Variants in SYT1 observed in about 807,000 individuals in gnomAD.
The protein encoded by SYT1 is synaptotagmin-1.
In SYT1, 8 loss-of-function variants were observed where a neutral mutation model predicts 44.8. That is an observed-to-expected ratio of 0.18 (90% CI 0.10 to 0.32). The LOEUF (loss-of-function observed/expected upper bound fraction) is 0.32. Ranked by LOEUF, SYT1 falls within the 10% of genes least tolerant of loss-of-function variation. The probability of loss-of-function intolerance (pLI) is 1.00; values close to 1 mark genes in which losing one functional copy is unlikely to be tolerated. For synonymous variants in SYT1, 154 were observed against 188.8 expected (o/e 0.82, Z 1.51); for missense variants, 286 against 509.3 (o/e 0.56, Z 4.22).
intron 2 of SYT1, among the ~76,000 whole-genome samples, chr12:78,990,470 T>C (rs1259390724): frequency 6.6e-6 from 1 of 152,196 alleles, no homozygotes; most frequent in African/African-American, 2.4e-5. Context: ...TTCCAGACAT[T>C]TACTTTGTTC....
chr12:79,420,733 T>C lies in SYT1; in HGVS notation c.929-23340T>C, dbSNP rs1013083701. Among the ~76,000 whole-genome samples, 3 of 152,058 alleles carry C rather than the reference T, an allele frequency of 2.0e-5. No individual in the cohort carries two copies. The South Asian group carries it at 6.2e-4, about 32-fold the overall frequency. ...GGTTTGTAATCTAAATAGAAGGGCA[T>C]TGCACACTATCAAAAACTATGCTTA... On this transcript the variant is annotated intron_variant, in intron 9 of 10. Transcript: ENST00000261205.
intron 8 of SYT1, among the ~76,000 whole-genome samples, chr12:79,304,389 T>C (rs191664471): frequency 9.8e-5 from 15 of 152,356 alleles, no homozygotes; most frequent in Admixed American, 8.5e-4. Context: ...ATGCTGAAGA[T>C]AGTTTAGTGC....
At chr12:79,237,980 A>C (rs1269701879) in intron 4 of SYT1, among the ~76,000 whole-genome samples, 5 of 152,234 alleles carry the variant, frequency 3.3e-5, no homozygotes, top group Admixed American at 1.3e-4. Context: ...TGGGAATGAC[A>C]GAAAAGGAGT....
chr12:78,895,075 T>C (rs905422047), intron 1 of SYT1, among the ~76,000 whole-genome samples: 1 of 151,144 alleles, frequency 6.6e-6, no homozygotes, highest in African/African-American at 2.4e-5. Flanking sequence ...AATTAAAAAC[T>C]AAAAAAAATT....
chr12:79,376,638 A>T (rs1340225795), intron 9 of SYT1, among the ~76,000 whole-genome samples: 2 of 152,118 alleles, frequency 1.3e-5, no homozygotes, highest in Middle Eastern at 3.2e-3. Context: ...GCCTCATTTT[A>T]CCCAGCTCCT....
chr12:79,056,215 T>A (rs777690113), intron 3 of SYT1, among the ~76,000 whole-genome samples: 1 of 151,848 alleles, frequency 6.6e-6, no homozygotes, highest in Admixed American at 6.6e-5. Flanking sequence ...TATATAGAAG[T>A]CTAGATGGAA....
chr12:78,990,894 G>A (rs770598596), intron 2 of SYT1, among the ~76,000 whole-genome samples: 16 of 152,136 alleles, frequency 1.1e-4, no homozygotes, highest in African/African-American at 3.1e-4. Flanking sequence ...AGAGAAATAC[G>A]AAAGGCAAGG....
rs181647794 is a variant in SYT1 at position 78,923,282 on chromosome 12, T to C, written c.-216-54517T>C. 2.1e-3 allele frequency among the ~76,000 whole-genome samples: 323 copies of C among 152,126 alleles called. 2 individuals carry two copies. Among genetic ancestry groups the C allele is most frequent in the African/African-American group, 7.2e-3 (298 of 41,556 alleles). On this transcript the variant is annotated intron_variant, in intron 1 of 10. Transcript: ENST00000261205. ...AATTTAAATAAGCACACATGGCTGT[T>C]GCACATGCCAGCACTTATTGGGCAA...
At chr12:79,411,375 A>T (rs1435787328) in intron 9 of SYT1, among the ~76,000 whole-genome samples, 1 of 152,152 alleles carries the variant, frequency 6.6e-6, no homozygotes, top group Non-Finnish European at 1.5e-5. Flanking sequence ...AAGCTGGGAA[A>T]TGTAGTCTTT....
chr12:79,195,253 G>A (rs1421708230), intron 3 of SYT1, among the ~76,000 whole-genome samples: 1 of 152,054 alleles, frequency 6.6e-6, no homozygotes, highest in African/African-American at 2.4e-5. Context: ...AAAAATGTTT[G>A]CTATCATTCT....
chr12:79,150,655 T>C (rs1414093952), intron 3 of SYT1, among the ~76,000 whole-genome samples: 1 of 152,146 alleles, frequency 6.6e-6, no homozygotes, highest in Non-Finnish European at 1.5e-5. Flanking sequence ...AACAAGATGA[T>C]AGTCATGCCA....
intron 2 of SYT1, among the ~76,000 whole-genome samples, chr12:79,026,774 G>T (rs1872569185): frequency 6.9e-6 from 1 of 145,806 alleles, no homozygotes; most frequent in Admixed American, 7.0e-5. Context: ...TGTGAATAAT[G>T]CTGCAAGAAA....
At chr12:79,424,916 C>G (rs1869345768) in intron 9 of SYT1, among the ~76,000 whole-genome samples, 1 of 139,654 alleles carries the variant, frequency 7.2e-6, no homozygotes, top group Admixed American at 7.0e-5. Context: ...CAGCTGCTGC[C>G]CTTTTTGGTT....
intron 4 of SYT1, among the ~76,000 whole-genome samples, chr12:79,273,487 G>A (rs549481688): frequency 6.6e-6 from 1 of 152,220 alleles, no homozygotes; most frequent in South Asian, 2.1e-4. Context: ...TTTCAAAGGA[G>A]CAGTAGGCAG....
rs1259057616 is a variant in SYT1, at chr12:79,151,540, A to AATAATAAAAAC, written c.-17-65953_-17-65952insCATAATAAAAA. Reference sequence around the variant, plus strand: ...GCCATTAATGGTTTTTAATCAGGAGAATAATAAAAAACATCACCCTAATGA... The same window carrying AATAATAAAAAC: ...GCCATTAATGGTTTTTAATCAGGAGAATAATAAAAACATAATAAAAAACATCACCCTAATGA... On this transcript the variant is annotated intron_variant, in intron 3 of 10. Transcript: ENST00000261205. Among the ~76,000 whole-genome samples the AATAATAAAAAC allele has an allele frequency of 2.0e-5, 3 of 152,064 alleles. No individual in the cohort carries two copies. The East Asian group carries it at 5.8e-4, about 29-fold the overall frequency.
At chr12:79,432,981 C>T (rs1869886121) in intron 9 of SYT1, among the ~76,000 whole-genome samples, 1 of 152,014 alleles carries the variant, frequency 6.6e-6, no homozygotes, top group Non-Finnish European at 1.5e-5. Context: ...GAAGCATTAC[C>T]CAACCCCCTA....
intron 1 of SYT1, among the ~76,000 whole-genome samples, chr12:78,938,660 A>C (rs781528092): frequency 1.3e-5 from 2 of 152,242 alleles, no homozygotes; most frequent in Non-Finnish European, 2.9e-5. Context: ...AAATGTTATA[A>C]AGTCCTGTGA....
chr12:79,384,823 T>TAGGA (rs1884366830), intron 9 of SYT1, among the ~76,000 whole-genome samples: 2 of 152,184 alleles, frequency 1.3e-5, no homozygotes, highest in African/African-American at 2.4e-5. Context: ...TAGGTTTGGT[T>TAGGA]GGCTTTCTCC....
intron 4 of SYT1, among the ~76,000 whole-genome samples, chr12:79,232,488 A>T (rs895804411): frequency 2.0e-5 from 3 of 152,058 alleles, no homozygotes; most frequent in African/African-American, 7.2e-5. Context: ...TCTTTATACA[A>T]ATTGTCTCCT....
Sources: allele counts gnomAD v4.1 joint callset (sites outside exome capture counted in the v4.1 genomes callset), GRCh38; gene constraint gnomAD v4.1.1; transcripts MANE v1.5; gene names NCBI Gene and HGNC (gene_info 2026-07-23, HGNC 2026-07-21).